MAPK6: variants seen among roughly 807,000 people sequenced by gnomAD.
MAPK6 encodes ERK-3.
MAPK6 carries 19 observed loss-of-function variants against 59.3 expected under a neutral mutation model. The observed-to-expected ratio is 0.32, with a 90% confidence interval of 0.22 to 0.47. The LOEUF (loss-of-function observed/expected upper bound fraction) is 0.47, where lower values mean the gene tolerates loss of function less well. Among genes scored for constraint, MAPK6 ranks in the 20% least tolerant of loss-of-function variants. The pLI, the probability that MAPK6 is intolerant of heterozygous loss-of-function variation, is 1.00. For synonymous variants in MAPK6, 316 were observed against 290.3 expected, an observed-to-expected ratio of 1.09 and a Z score of -0.90; for missense variants, 724 against 847.9, an observed-to-expected ratio of 0.85 and a Z score of 1.81.
At position 51,993,188 on chromosome 15, in the gene MAPK6, A is replaced by G. The variant is rs79285868; in HGVS notation, c.-770+9873A>G. ...AGATGCACCAATCAGAGGAATTTCC[A>G]AGGATCTTTAGGAGCTCTGTATCAT... On this transcript the variant is annotated intron_variant, in intron 2 of 7. Coordinates refer to the MAPK6 transcript ENST00000691380. Among the ~76,000 whole-genome samples, 669 of 152,332 alleles carry G rather than the reference A, an allele frequency of 4.4e-3. 35 individuals carry two copies. In the East Asian group the frequency reaches 0.12, roughly 27 times the overall value.
chr15:51,980,122 C>T (rs2057168791), intron 1 of MAPK6, among the ~76,000 whole-genome samples: 1 of 151,368 alleles, frequency 6.6e-6, no homozygotes, highest in African/African-American at 2.4e-5. Context: ...TGGTGAAACC[C>T]CATCTCTACT....
rs542031546 is a variant in MAPK6 at position 51,993,028 on chromosome 15, C to G, written c.-770+9713C>G. On this transcript the variant is annotated intron_variant, in intron 2 of 7. Coordinates refer to the MAPK6 transcript ENST00000691380. ...CTGGTCAGCTCAACCTTCAACCTCT[C>G]TCCCCTCCCTGGAGGTCTATGGTTG... 1.4e-4 allele frequency among the ~76,000 whole-genome samples: 22 copies of G among 152,276 alleles called. 1 individual carries two copies. The highest frequency in any genetic ancestry group is 5.1e-4 in the African/African-American group (21 of 41,564).
chr15:52,024,423 C>T (rs1241862137), intron 1 of MAPK6, among the ~76,000 whole-genome samples: 14 of 145,216 alleles, frequency 9.6e-5, no homozygotes, highest in African/African-American at 3.3e-4. Context: ...TTTTTGGAGA[C>T]GGAGTCTCAC....
intron 3 of MAPK6, among the ~76,000 whole-genome samples, chr15:52,005,343 G>A (rs2057255096): frequency 6.6e-6 from 1 of 152,054 alleles, no homozygotes; most frequent in African/African-American, 2.4e-5. Context: ...TGACCAACAT[G>A]GCAAAACCCT....
intron 2 of MAPK6, among the ~76,000 whole-genome samples, chr15:51,988,543 C>A (rs1331738134): frequency 1.3e-5 from 2 of 151,836 alleles, no homozygotes; most frequent in Admixed American, 1.3e-4. Flanking sequence ...ACCAGCCTGG[C>A]CAACATTATG....
chr15:52,008,059 C>G (rs147372623), intron 3 of MAPK6, among the ~76,000 whole-genome samples: 2,668 of 152,134 alleles, frequency 0.018, 76 homozygotes, highest in African/African-American at 0.061. Flanking sequence ...TTTGGGCAAG[C>G]TGGTCTCAAA....
At chr15:51,979,271 G>A (rs2057166246) in intron 1 of MAPK6, among the ~76,000 whole-genome samples, 1 of 151,362 alleles carries the variant, frequency 6.6e-6, no homozygotes, top group Non-Finnish European at 1.5e-5. Context: ...GAAAGAAAGG[G>A]AGAAGGAAGA....
chr15:51,989,077 TA>T (rs1292047362), intron 2 of MAPK6, among the ~76,000 whole-genome samples: 5 of 128,802 alleles, frequency 3.9e-5, no homozygotes, highest in African/African-American at 1.3e-4. Flanking sequence ...TCAAAATCCA[TA>T]ATTTTTTTTT....
Position 52,021,552 on chromosome 15 carries a change from G to T in MAPK6, c.-632+2176G>T, listed in dbSNP as rs561358153. ...CTACAGGTGGAATTGTGTAACATTT[G>T]CTGAGAGGAAAGGTAAAACCAATTT... On this transcript the variant is annotated intron_variant, in intron 1 of 5. Transcript: ENST00000261845. The T allele has an allele frequency of 5.3e-5, 8 of 152,174 alleles. No individual in the cohort carries two copies. In the South Asian group the frequency reaches 6.2e-4, roughly 12 times the overall value. The allele number at this position is 152,174 out of a possible 1,614,324, so 9.4% of individuals were successfully genotyped here.
At chr15:51,985,590 G>A (rs1483337721) in intron 2 of MAPK6, among the ~76,000 whole-genome samples, 1 of 152,060 alleles carries the variant, frequency 6.6e-6, no homozygotes, top group Non-Finnish European at 1.5e-5. Context: ...GGGAGATGGA[G>A]GTTGCAGTGA....
At chr15:51,997,542 A>G (rs1459955695) in intron 2 of MAPK6, among the ~76,000 whole-genome samples, 1 of 150,932 alleles carries the variant, frequency 6.6e-6, no homozygotes, top group Admixed American at 6.6e-5. Context: ...GTAGGCATGA[A>G]CCACCTTGCC....
At chr15:51,997,831 A>C in intron 2 of MAPK6, among the ~76,000 whole-genome samples, 1 of 151,870 alleles carries the variant, frequency 6.6e-6, no homozygotes, top group East Asian at 1.9e-4. Context: ...ACCTCTGGCG[A>C]TCCACCCACG....
At chr15:52,016,064 G>GCACA (rs1219275611), upstream of MAPK6, among the ~76,000 whole-genome samples, 304 of 54,944 alleles carry the variant, frequency 5.5e-3, 1 homozygote, top group African/African-American at 0.013. Context: ...GCGCGCGCGC[G>GCACA]CGCGCGCACA....
chr15:52,050,622 TAAAGC>T (rs1407170283), intron 3 of MAPK6, among the ~76,000 whole-genome samples: 3 of 152,178 alleles, frequency 2.0e-5, no homozygotes, highest in Admixed American at 6.5e-5. Flanking sequence ...TCTTGTGTCA[TAAAGC>T]AAAGCATAGG....
chr15:51,989,166 G>A (rs1302326810), intron 2 of MAPK6, among the ~76,000 whole-genome samples: 1 of 148,188 alleles, frequency 6.7e-6, no homozygotes, highest in Non-Finnish European at 1.5e-5. Context: ...TGTAACCTCT[G>A]CTTTCCGGGT....
At chr15:52,048,712 T>G (rs2031675515) in intron 2 of MAPK6, among the ~76,000 whole-genome samples, 1 of 152,074 alleles carries the variant, frequency 6.6e-6, no homozygotes, top group Non-Finnish European at 1.5e-5. Context: ...GAGGATCACT[T>G]GAGGCCAGGA....
intron 1 of MAPK6, among the ~76,000 whole-genome samples, chr15:51,975,238 G>A (rs546456864): frequency 3.6e-4 from 55 of 151,680 alleles, no homozygotes; most frequent in African/African-American, 1.3e-3. Flanking sequence ...ATTTTTACAA[G>A]GTAATCAAAA....
chr15:52,051,690 A>C (rs929340884), intron 3 of MAPK6, among the ~76,000 whole-genome samples: 1 of 151,866 alleles, frequency 6.6e-6, no homozygotes, highest in Non-Finnish European at 1.5e-5. Context: ...GCTTGCCAAC[A>C]TGGTGAAACC....
At chr15:52,048,294 C>T (rs537493155) in intron 2 of MAPK6, among the ~76,000 whole-genome samples, 7 of 152,118 alleles carry the variant, frequency 4.6e-5, no homozygotes, top group African/African-American at 1.2e-4. Flanking sequence ...GGATTACAGG[C>T]GCCCGCCACC....
Sources: gnomAD v4.1 joint callset for allele counts (sites outside exome capture counted in the v4.1 genomes callset) on GRCh38, gnomAD v4.1.1 for gene constraint, MANE v1.5 for transcripts, NCBI Gene and HGNC (gene_info 2026-07-23, HGNC 2026-07-21) for gene names.